Variants in OLA1 observed in about 807,000 individuals in gnomAD.
OLA1 encodes the protein Obg like ATPase 1, also known as obg-like ATPase 1.
Under a neutral mutation model 48.4 loss-of-function variants are expected in OLA1, and 14 were observed. That is an observed-to-expected ratio of 0.29 (90% CI 0.19 to 0.45). The LOEUF (loss-of-function observed/expected upper bound fraction) is 0.45, where lower values mean the gene tolerates loss of function less well. Ranked by LOEUF, OLA1 falls within the 20% of genes least tolerant of loss-of-function variation. The pLI is 1.00. For synonymous variants in OLA1, 127 were observed against 150.4 expected (o/e 0.84, Z 1.14); for missense variants, 325 against 467.1 (o/e 0.70, Z 2.80).
At chr2:174,202,709 A>G (rs1450339340) in intron 4 of OLA1, among the ~76,000 whole-genome samples, 1 of 152,232 alleles carries the variant, frequency 6.6e-6, no homozygotes, top group Admixed American at 6.5e-5. Flanking sequence ...CTCATCTTGT[A>G]AACAGATAAT....
chr2:174,119,311 A>G (rs968235798), intron 7 of OLA1, among the ~76,000 whole-genome samples: 1 of 152,128 alleles, frequency 6.6e-6, no homozygotes, highest in Non-Finnish European at 1.5e-5. Flanking sequence ...TACTGTTAAC[A>G]ATAAGCTTTA....
At chr2:174,179,639 C>T (rs1486227288) in intron 4 of OLA1, among the ~76,000 whole-genome samples, 5 of 151,950 alleles carry the variant, frequency 3.3e-5, no homozygotes, top group Non-Finnish European at 5.9e-5. Context: ...ACTACATGCT[C>T]CTTACAAAGC....
In OLA1 at chr2:174,209,452, G is replaced by T. The variant is rs193138998; in HGVS notation, c.373+13581C>A. Among the ~76,000 whole-genome samples the T allele has an allele frequency of 3.6e-3, 548 of 151,868 alleles. 5 individuals are homozygous for T. In the Middle Eastern group the frequency reaches 0.051, roughly 14 times the overall value. ...AATTTTTTTTCTAAGCAAATGAAAGGGCCCAAGAATCCTGGGCCGGGCTAG... is the reference window on the plus strand; with the variant it reads ...AATTTTTTTTCTAAGCAAATGAAAGTGCCCAAGAATCCTGGGCCGGGCTAG... On this transcript the variant is annotated intron_variant, in intron 4 of 10. Coordinates refer to ENST00000284719, the MANE Select transcript of OLA1 (RefSeq NM_013341.5).
intron 4 of OLA1, among the ~76,000 whole-genome samples, chr2:174,155,771 G>C (rs137895064): frequency 6.4e-4 from 97 of 152,236 alleles, no homozygotes; most frequent in African/African-American, 2.3e-3. Context: ...GAGAGAGCAG[G>C]GATAGATCAG....
intron 5 of OLA1, among the ~76,000 whole-genome samples, chr2:174,140,448 G>C (rs575535367): frequency 2.6e-5 from 4 of 151,166 alleles, no homozygotes; most frequent in Admixed American, 2.0e-4. Flanking sequence ...GCTCACTGCA[G>C]CCTCCACCTC....
intron 4 of OLA1, among the ~76,000 whole-genome samples, chr2:174,173,482 A>G (rs1464885570): frequency 6.6e-6 from 1 of 152,206 alleles, no homozygotes; most frequent in African/African-American, 2.4e-5. Flanking sequence ...AAAGGTTTTA[A>G]AATTGTTTTG....
chr2:174,077,908 T>C (rs1163107872), intron 10 of OLA1, among the ~76,000 whole-genome samples: 1 of 152,012 alleles, frequency 6.6e-6, no homozygotes, highest in Non-Finnish European at 1.5e-5. Flanking sequence ...CAAAGTTCAA[T>C]CTCAGTATTT....
chr2:174,146,500 T>C (rs898192675), intron 4 of OLA1, among the ~76,000 whole-genome samples: 2 of 152,124 alleles, frequency 1.3e-5, no homozygotes, highest in Non-Finnish European at 2.9e-5. Context: ...AGATGTAGGA[T>C]GTAAGATCAT....
At chr2:174,202,093 T>C (rs541020096) in intron 4 of OLA1, among the ~76,000 whole-genome samples, 1 of 152,176 alleles carries the variant, frequency 6.6e-6, no homozygotes, top group South Asian at 2.1e-4. Flanking sequence ...CTGAAAAATG[T>C]TTACAGTTAG....
intron 7 of OLA1, among the ~76,000 whole-genome samples, chr2:174,120,002 T>C (rs1165663992): frequency 1.3e-5 from 2 of 151,762 alleles, no homozygotes; most frequent in Admixed American, 6.6e-5. Flanking sequence ...AAAAGTTTAG[T>C]TATATTTTCC....
intron 2 of OLA1, among the ~76,000 whole-genome samples, chr2:174,232,895 G>C (rs772999314): frequency 3.3e-5 from 5 of 152,158 alleles, no homozygotes; most frequent in Non-Finnish European, 7.3e-5. Context: ...ATCTCAAAGA[G>C]ATATTTACAA....
chr2:174,118,197 A>G (rs1685828714), intron 7 of OLA1, among the ~76,000 whole-genome samples: 1 of 152,184 alleles, frequency 6.6e-6, no homozygotes, highest in African/African-American at 2.4e-5. Context: ...GTCTCATACC[A>G]GGCCCCTCCT....
At chr2:174,129,015 T>C (rs1256085726) in intron 5 of OLA1, among the ~76,000 whole-genome samples, 1 of 152,132 alleles carries the variant, frequency 6.6e-6, no homozygotes, top group African/African-American at 2.4e-5. Context: ...TCTGGCTGAG[T>C]AATTTTGGGG....
At chr2:174,103,807 A>C (rs1685450998) in intron 7 of OLA1, among the ~76,000 whole-genome samples, 1 of 152,156 alleles carries the variant, frequency 6.6e-6, no homozygotes, top group South Asian at 2.1e-4. Context: ...AGTAACCAAG[A>C]TGATACAGCT....
At chr2:174,076,377 C>T (rs377696207) in intron 10 of OLA1, among the ~76,000 whole-genome samples, 1 of 152,094 alleles carries the variant, frequency 6.6e-6, no homozygotes, top group South Asian at 2.1e-4. Flanking sequence ...CCCACATGAC[C>T]CCACCATCGA....
Position 174,187,843 on chromosome 2 carries a change from T to C in OLA1, c.373+35190A>G, listed in dbSNP as rs547162593. 2.5e-3 allele frequency among the ~76,000 whole-genome samples: 382 copies of C among 152,292 alleles called. 2 individuals are homozygous for C. Among genetic ancestry groups the C allele is most frequent in the African/African-American group, 8.4e-3 (349 of 41,562 alleles). On this transcript the variant is annotated intron_variant, in intron 4 of 10. Transcript: ENST00000284719. ...GAAGCCACATATGTTGTTGCCAATG[T>C]TTGGAACACAGTAACTAAAGACACA...
At chr2:174,174,281 T>G (rs1035262976) in intron 4 of OLA1, among the ~76,000 whole-genome samples, 2 of 105,324 alleles carry the variant, frequency 1.9e-5, no homozygotes, top group Admixed American at 1.8e-4. Context: ...AAAAATCCTT[T>G]AAAATATTTT....
At chr2:174,164,417 A>G (rs1687115467) in intron 4 of OLA1, among the ~76,000 whole-genome samples, 1 of 64,350 alleles carries the variant, frequency 1.6e-5, no homozygotes, top group African/African-American at 7.6e-5. Context: ...GAAACGGTTT[A>G]ATTTTCACAA....
intron 4 of OLA1, among the ~76,000 whole-genome samples, chr2:174,207,137 G>C (rs180942353): frequency 4.3e-4 from 66 of 152,214 alleles, no homozygotes; most frequent in Admixed American, 3.5e-3. Context: ...AGTTGGGGGG[G>C]AGCAATTAAA....
Sources: gnomAD v4.1 joint callset for allele counts (sites outside exome capture counted in the v4.1 genomes callset) on GRCh38, gnomAD v4.1.1 for gene constraint, MANE v1.5 for transcripts, NCBI Gene and HGNC (gene_info 2026-07-23, HGNC 2026-07-21) for gene names.